FIGN: variants seen among roughly 807,000 people sequenced by gnomAD.
FIGN encodes fidgetin.
In FIGN, 11 loss-of-function variants were observed where a neutral mutation model predicts 51.3. The ratio of observed to expected loss-of-function variants is 0.21; its 90% CI spans 0.13 to 0.35. The LOEUF (loss-of-function observed/expected upper bound fraction) is 0.35, where lower values mean the gene tolerates loss of function less well. FIGN is among the 10% of genes least tolerant of loss of function. The pLI, the probability that FIGN is intolerant of heterozygous loss-of-function variation, is 1.00. For synonymous variants in FIGN, 407 were observed against 363.2 expected, an observed-to-expected ratio of 1.12 and a Z score of -1.37; for missense variants, 857 against 943.6, an observed-to-expected ratio of 0.91 and a Z score of 1.20.
chr2:163,706,672 G>A (rs1273698799), intron 2 of FIGN, among the ~76,000 whole-genome samples: 2 of 152,052 alleles, frequency 1.3e-5, no homozygotes, highest in East Asian at 3.9e-4. Flanking sequence ...CATGTAGACT[G>A]CATATGCTTT....
chr2:163,719,371 A>C (rs1213822606), intron 2 of FIGN, among the ~76,000 whole-genome samples: 1 of 152,162 alleles, frequency 6.6e-6, no homozygotes, highest in African/African-American at 2.4e-5. Flanking sequence ...CTTTCTTCAC[A>C]TAAGCAATAC....
At chr2:163,626,762 A>G (rs911128484) in intron 2 of FIGN, among the ~76,000 whole-genome samples, 31 of 152,136 alleles carry the variant, frequency 2.0e-4, no homozygotes, top group African/African-American at 7.2e-4. Context: ...TCAGCACAAG[A>G]TACAGGTCAT....
intron 2 of FIGN, among the ~76,000 whole-genome samples, chr2:163,685,393 T>C (rs533362602): frequency 4.4e-4 from 67 of 152,270 alleles, no homozygotes; most frequent in Non-Finnish European, 7.9e-4. Flanking sequence ...TTTAATAATC[T>C]CTCAGACAGA....
intron 2 of FIGN, among the ~76,000 whole-genome samples, chr2:163,724,667 T>C (rs369862046): frequency 7.9e-5 from 12 of 152,104 alleles, no homozygotes; most frequent in South Asian, 2.1e-4. Flanking sequence ...GTAAACACAT[T>C]AGTTTCCAAA....
At chr2:163,686,863 T>C (rs1684471599) in intron 2 of FIGN, among the ~76,000 whole-genome samples, 1 of 151,446 alleles carries the variant, frequency 6.6e-6, no homozygotes, top group South Asian at 2.1e-4. Flanking sequence ...GAAAGTGCTA[T>C]TAGACAGAAA....
chr2:163,677,597 T>C (rs1487228459), intron 2 of FIGN, among the ~76,000 whole-genome samples: 1 of 152,256 alleles, frequency 6.6e-6, no homozygotes, highest in African/African-American at 2.4e-5. Flanking sequence ...CATGATTTCC[T>C]ACATTTTCCT....
intron 2 of FIGN, among the ~76,000 whole-genome samples, chr2:163,637,766 A>G (rs1249488231): frequency 6.6e-6 from 1 of 152,146 alleles, no homozygotes. Flanking sequence ...AGCCTTGGAA[A>G]TAGAGTAAAA....
chr2:163,733,640 G>T (rs929342098), intron 2 of FIGN, among the ~76,000 whole-genome samples: 20 of 152,170 alleles, frequency 1.3e-4, no homozygotes, highest in Admixed American at 1.2e-3. Flanking sequence ...TCTTCTTATT[G>T]ATCGCTTCAA....
At chr2:163,617,684 AGCC>A (rs970968596) in intron 2 of FIGN, among the ~76,000 whole-genome samples, 1 of 152,176 alleles carries the variant, frequency 6.6e-6, no homozygotes, top group Non-Finnish European at 1.5e-5. Flanking sequence ...TGAAAATTCC[AGCC>A]TGTAGAATAA....
chr2:163,666,997 C>T (rs1012752528), intron 2 of FIGN, among the ~76,000 whole-genome samples: 6 of 151,534 alleles, frequency 4.0e-5, no homozygotes, highest in Non-Finnish European at 7.4e-5. Flanking sequence ...AAAATATAAT[C>T]AATGTATACC....
chr2:163,693,465 A>C (rs1307771870), intron 2 of FIGN, among the ~76,000 whole-genome samples: 1 of 152,198 alleles, frequency 6.6e-6, no homozygotes, highest in Admixed American at 6.6e-5. Flanking sequence ...GTGAATCAGC[A>C]AAAAAGCATA....
Position 163,610,136 on chromosome 2 carries a change from T to C in FIGN, c.1696A>G (p.Ile566Val). Residue 566 changes from isoleucine to valine, a missense_variant, in exon 3 of 3, where the codon ATT becomes GTT. Ile to Val is a conservative substitution (Grantham distance 29). This residue lies in a region of FIGN where 799 missense variants were observed against 849.5 expected (regional missense o/e 0.94). Transcript: ENST00000333129. ...GCCACAAGAAAAGAGGCATGGATAA[T>C]TTTCTCTGCTTCTCCTAACCACTTG... ...VAKWLGEAEK[I>V]IHASFLVARC... 6.2e-7 allele frequency: 1 copy of C among 1,614,092 alleles called. No homozygotes were observed. Among genetic ancestry groups the C allele is most frequent in the Admixed American group, 1.7e-5 (1 of 60,008 alleles).
intron 2 of FIGN, among the ~76,000 whole-genome samples, chr2:163,716,693 T>C (rs1470951395): frequency 6.6e-6 from 1 of 152,174 alleles, no homozygotes; most frequent in East Asian, 1.9e-4. Context: ...GTAAAATATA[T>C]AAAAAGTAAT....
intron 2 of FIGN, among the ~76,000 whole-genome samples, chr2:163,717,251 A>ATGGTT (rs1684681567): frequency 6.6e-6 from 1 of 152,184 alleles, no homozygotes; most frequent in Non-Finnish European, 1.5e-5. Flanking sequence ...TAACTACGGA[A>ATGGTT]TTGAGAATGG....
chr2:163,623,403 A>G (rs1573909882), intron 2 of FIGN, among the ~76,000 whole-genome samples: 1 of 152,180 alleles, frequency 6.6e-6, no homozygotes, highest in East Asian at 1.9e-4. Flanking sequence ...CTTATTGGTG[A>G]TCTCAAAATA....
chr2:163,650,055 A>T (rs1310758986), intron 2 of FIGN, among the ~76,000 whole-genome samples: 1 of 152,208 alleles, frequency 6.6e-6, no homozygotes, highest in East Asian at 1.9e-4. Flanking sequence ...TGCAGAGGGC[A>T]GAAGGGAAGG....
chr2:163,615,738 G>A (rs1682865182), intron 2 of FIGN, among the ~76,000 whole-genome samples: 1 of 152,078 alleles, frequency 6.6e-6, no homozygotes. Context: ...TTAGAAGCAT[G>A]ACTTTAGAAC....
At chr2:163,664,461 T>C (rs1683741274) in intron 2 of FIGN, among the ~76,000 whole-genome samples, 1 of 152,240 alleles carries the variant, frequency 6.6e-6, no homozygotes, top group African/African-American at 2.4e-5. Context: ...AAAATTTTAC[T>C]GATACAAAAC....
At chr2:163,686,359 A>G (rs969010027) in intron 2 of FIGN, among the ~76,000 whole-genome samples, 2 of 152,184 alleles carry the variant, frequency 1.3e-5, no homozygotes, top group Admixed American at 6.5e-5. Context: ...TGTTGATTAA[A>G]TGTACACTTA....
Sources: gnomAD v4.1 joint callset for allele counts (sites outside exome capture counted in the v4.1 genomes callset) on GRCh38, gnomAD v4.1.1 for gene constraint, gnomAD v4.1.1 regional missense constraint, MANE v1.5 for transcripts, NCBI Gene and HGNC (gene_info 2026-07-23, HGNC 2026-07-21) for gene names.